DPYD: variants seen among roughly 807,000 people sequenced by gnomAD.
DPYD encodes the protein dihydropyrimidine dehydrogenase.
A neutral mutation model predicts 116.2 loss-of-function variants in DPYD; 109 were observed. That is an observed-to-expected ratio of 0.94 (90% CI 0.80 to 1.10). DPYD has a LOEUF of 1.10. Ranked by LOEUF, DPYD falls within the 50% of genes least tolerant of loss-of-function variation. The pLI, the probability that DPYD is intolerant of heterozygous loss-of-function variation, is 0.00. For missense variants in DPYD, 1,302 were observed against 1,254.5 expected (o/e 1.04, Z -0.57); for synonymous variants, 440 against 432.0 (o/e 1.02, Z -0.23).
At chr1:97,323,969 C>A (rs370157478) in intron 16 of DPYD, among the ~76,000 whole-genome samples, 17 of 151,934 alleles carry the variant, frequency 1.1e-4, no homozygotes, top group African/African-American at 3.9e-4. Context: ...TAGGCCTAGG[C>A]AACTGAAGAT....
intron 14 of DPYD, among the ~76,000 whole-genome samples, chr1:97,411,600 C>A (rs920887159): frequency 6.6e-6 from 1 of 152,002 alleles, no homozygotes; most frequent in African/African-American, 2.4e-5. Flanking sequence ...ATAAAATATT[C>A]ATTTATCATT....
intron 8 of DPYD, among the ~76,000 whole-genome samples, chr1:97,603,596 A>T (rs891033723): frequency 1.3e-5 from 2 of 152,174 alleles, no homozygotes; most frequent in Admixed American, 1.3e-4. Flanking sequence ...TTAAAAATGT[A>T]ATATCAAAAG....
intron 8 of DPYD, among the ~76,000 whole-genome samples, chr1:97,639,610 T>C (rs769886753): frequency 2.0e-5 from 3 of 152,172 alleles, no homozygotes; most frequent in Non-Finnish European, 4.4e-5. Flanking sequence ...ATGTGCTATA[T>C]CAAATAATCA....
At chr1:97,530,774 A>G (rs912476311) in intron 12 of DPYD, among the ~76,000 whole-genome samples, 3 of 152,166 alleles carry the variant, frequency 2.0e-5, no homozygotes, top group Admixed American at 6.5e-5. Context: ...TTTCTCCACA[A>G]ACTTGTCAAA....
intron 4 of DPYD, among the ~76,000 whole-genome samples, chr1:97,727,059 T>C (rs778885547): frequency 1.1e-4 from 16 of 151,738 alleles, no homozygotes; most frequent in Admixed American, 4.0e-4. Flanking sequence ...ATTTATTGAA[T>C]GTCTTCTAAA....
chr1:97,632,423 T>C (rs1258769429), intron 8 of DPYD, among the ~76,000 whole-genome samples: 1 of 152,172 alleles, frequency 6.6e-6, no homozygotes, highest in Non-Finnish European at 1.5e-5. Flanking sequence ...GTTTATTTAA[T>C]GATAAATACA....
intron 14 of DPYD, among the ~76,000 whole-genome samples, chr1:97,392,573 T>A (rs570370012): frequency 6.6e-6 from 1 of 152,204 alleles, no homozygotes; most frequent in Non-Finnish European, 1.5e-5. Flanking sequence ...CAGTAGAACT[T>A]CTTTCAATCC....
At chr1:97,672,475 A>T (rs1003840484) in intron 8 of DPYD, among the ~76,000 whole-genome samples, 10 of 152,308 alleles carry the variant, frequency 6.6e-5, no homozygotes, top group African/African-American at 2.4e-4. Context: ...CGAAGTACTT[A>T]CAAGTGACAG....
chr1:97,685,053 T>G (rs1256990838), intron 7 of DPYD, among the ~76,000 whole-genome samples: 3 of 152,136 alleles, frequency 2.0e-5, no homozygotes, highest in Non-Finnish European at 4.4e-5. Context: ...AAGAGAAAAC[T>G]TCAGGCCAAT....
intron 3 of DPYD, among the ~76,000 whole-genome samples, chr1:97,807,608 A>G (rs1009841248): frequency 2.6e-5 from 4 of 152,028 alleles, no homozygotes; most frequent in African/African-American, 9.7e-5. Flanking sequence ...TTTCCTTGAC[A>G]GTGTCTTTTG....
At chr1:97,901,317 G>C (rs1363650813) in intron 1 of DPYD, among the ~76,000 whole-genome samples, 1 of 151,778 alleles carries the variant, frequency 6.6e-6, no homozygotes, top group Non-Finnish European at 1.5e-5. Context: ...CATATTCACT[G>C]TAAATACTGA....
intron 15 of DPYD, among the ~76,000 whole-genome samples, chr1:97,379,008 C>G (rs569896618): frequency 2.0e-5 from 3 of 152,188 alleles, no homozygotes; most frequent in African/African-American, 7.2e-5. Flanking sequence ...CAGGGACTTG[C>G]AAGTGGCCCA....
Position 97,580,574 on chromosome 1 carries a change from T to A in DPYD, c.1129-6604A>T, listed in dbSNP as rs540670069. Among the ~76,000 whole-genome samples the A allele has an allele frequency of 3.3e-5, 5 of 152,220 alleles. No homozygotes were observed. The East Asian group carries it at 9.6e-4, about 29-fold the overall frequency. On this transcript the variant is annotated intron_variant, in intron 10 of 22. Coordinates refer to ENST00000370192, the MANE Select transcript of DPYD (RefSeq NM_000110.4). ...ATCAGCATTTGTAGGTAATAATGTA[T>A]GACAAACATTATTTGCTTGACCCAA...
intron 12 of DPYD, among the ~76,000 whole-genome samples, chr1:97,528,137 T>A (rs1054028951): frequency 6.6e-6 from 1 of 152,184 alleles, no homozygotes; most frequent in Admixed American, 6.5e-5. Flanking sequence ...TGAAGAAATA[T>A]CTATTGAGGG....
intron 16 of DPYD, among the ~76,000 whole-genome samples, chr1:97,332,851 G>C (rs1311560009): frequency 6.6e-6 from 1 of 152,104 alleles, no homozygotes; most frequent in East Asian, 1.9e-4. Context: ...GTGAATGGTT[G>C]TAAAGAACAT....
At chr1:97,287,314 T>C (rs1665763540) in intron 18 of DPYD, among the ~76,000 whole-genome samples, 1 of 152,152 alleles carries the variant, frequency 6.6e-6, no homozygotes, top group South Asian at 2.1e-4. Context: ...TACCCGGCTG[T>C]GTGAGCAGTC....
At chr1:97,507,457 T>A (rs928512640) in intron 13 of DPYD, among the ~76,000 whole-genome samples, 1 of 152,032 alleles carries the variant, frequency 6.6e-6, no homozygotes, top group African/African-American at 2.4e-5. Flanking sequence ...TATTGTTTCA[T>A]AGACTTTCAT....
intron 22 of DPYD, among the ~76,000 whole-genome samples, chr1:97,079,701 T>C (rs1363002412): frequency 6.6e-6 from 1 of 152,146 alleles, no homozygotes; most frequent in Non-Finnish European, 1.5e-5. Flanking sequence ...ACTCTAGTCA[T>C]TGTCCACCAC....
At chr1:97,192,396 A>C (rs1298681041) in intron 20 of DPYD, among the ~76,000 whole-genome samples, 1 of 152,138 alleles carries the variant, frequency 6.6e-6, no homozygotes, top group Non-Finnish European at 1.5e-5. Flanking sequence ...AAGACTAAGA[A>C]TTATAATTTT....
Sources: allele counts gnomAD v4.1 joint callset (sites outside exome capture counted in the v4.1 genomes callset), GRCh38; gene constraint gnomAD v4.1.1; transcripts MANE v1.5; gene names NCBI Gene and HGNC (gene_info 2026-07-23, HGNC 2026-07-21).